Variants in CCDC81 observed in about 807,000 individuals in gnomAD.
CCDC81 encodes the protein coiled-coil domain-containing protein 81.
CCDC81 carries 79 observed loss-of-function variants against 83.7 expected under a neutral mutation model. The observed-to-expected ratio is 0.94, with a 90% CI of 0.79 to 1.14. The LOEUF (loss-of-function observed/expected upper bound fraction) is 1.14. Ranked by LOEUF, CCDC81 falls within the 50% of genes most tolerant of loss-of-function variation. The pLI is 0.00. For synonymous variants in CCDC81, 252 were observed against 278.1 expected (o/e 0.91, Z 0.93); for missense variants, 791 against 778.1 (o/e 1.02, Z -0.20).
At chr11:86,421,936 T>C (rs1049439641) in intron 14 of CCDC81, among the ~76,000 whole-genome samples, 4 of 149,362 alleles carry the variant, frequency 2.7e-5, no homozygotes, top group African/African-American at 9.9e-5. Context: ...AATCCACCCA[T>C]GGAGAAATTT....
At chr11:86,391,044 C>G (rs1373841982) in intron 3 of CCDC81, among the ~76,000 whole-genome samples, 1 of 152,048 alleles carries the variant, frequency 6.6e-6, no homozygotes, top group Non-Finnish European at 1.5e-5. Context: ...AGGAGGGAAG[C>G]CAGCAAAGGG....
chr11:86,399,995 G>A (rs1427081652), intron 6 of CCDC81, among the ~76,000 whole-genome samples: 3 of 151,790 alleles, frequency 2.0e-5, no homozygotes, highest in East Asian at 3.9e-4. Context: ...GCTGGGAGTA[G>A]TGGTGTGCAC....
Position 86,415,216 on chromosome 11 carries a change from C to T in CCDC81, c.1594C>T (p.Gln532Ter). ...QKREQNYMKH[Q>*]LEAAANHKRK... ...GCGAGAACAAAATTACATGAAACAC[C>T]AGCTGGAGGCAGCTGCTAACCACAA... Residue 532 changes from glutamine (Q) to a stop codon, truncating the protein, a stop_gained, in exon 13 of 15, where the codon CAG (glutamine) becomes TAG (stop). Coordinates refer to ENST00000445632, the MANE Select transcript of CCDC81 (RefSeq NM_001156474.2). LOFTEE classifies it high-confidence loss of function. The T allele has an allele frequency of 6.2e-7, 1 of 1,614,104 alleles. No individual in the cohort carries two copies. Among genetic ancestry groups the T allele is most frequent in the Non-Finnish European group, 8.5e-7 (1 of 1,180,024 alleles).
intron 4 of CCDC81, 120 bp from the exon 5 acceptor site, chr11:86,395,214 T>C: frequency 2.9e-6 from 2 of 698,780 alleles, no homozygotes; most frequent in Non-Finnish European, 4.9e-6. Flanking sequence ...TATAAGCGCT[T>C]AACATAAACA....
At position 86,379,759 on chromosome 11, in the gene CCDC81, T is replaced by TGGAGTCCA. The variant is rs1948151317; in HGVS notation, c.79+4529_79+4536dup. 3.9e-5 allele frequency among the ~76,000 whole-genome samples: 6 copies of TGGAGTCCA among 152,256 alleles called. No homozygotes were observed. The East Asian group carries it at 1.2e-3, about 29-fold the overall frequency. ...TAGGATGCCAAGGTGGGAGAATCGC[T>TGGAGTCCA]GGAGTCCAGGAGTCCAGGATCAGCA... On this transcript the variant is annotated intron_variant, in intron 1 of 14. Coordinates refer to ENST00000445632, the MANE Select transcript of CCDC81 (RefSeq NM_001156474.2).
intron 10 of CCDC81, among the ~76,000 whole-genome samples, chr11:86,410,098 C>T (rs1001165406): frequency 2.0e-5 from 3 of 152,172 alleles, no homozygotes; most frequent in Non-Finnish European, 4.4e-5. Context: ...TTTGTATTTG[C>T]ATTAATGTTT....
At chr11:86,397,822 A>C in intron 6 of CCDC81, 80 bp downstream of exon 6, 1 of 1,473,448 alleles carries the variant, frequency 6.8e-7, no homozygotes, top group Admixed American at 2.4e-5. Context: ...CAAGGTAAAT[A>C]AAGTTAAATT....
At chr11:86,407,828 T>A in intron 8 of CCDC81, 127 bp downstream of exon 8, 1 of 722,916 alleles carries the variant, frequency 1.4e-6, no homozygotes, top group Non-Finnish European at 2.3e-6. Flanking sequence ...GTACTCAGGC[T>A]CAAAACTAGA....
At chr11:86,414,983 C>A in intron 12 of CCDC81, 110 bp from the exon 13 acceptor site, 1 of 1,411,040 alleles carries the variant, frequency 7.1e-7, no homozygotes, top group Non-Finnish European at 9.8e-7. Flanking sequence ...AGTTTTTGTG[C>A]CCCGCATTCC....
chr11:86,407,829 C>CA (rs1004376221), intron 8 of CCDC81, 128 bp downstream of exon 8: 1 of 707,182 alleles, frequency 1.4e-6, no homozygotes, highest in African/African-American at 1.8e-5. Context: ...TACTCAGGCT[C>CA]AAAACTAGAC....
intron 6 of CCDC81, among the ~76,000 whole-genome samples, chr11:86,398,694 C>A (rs1255011602): frequency 6.6e-6 from 1 of 152,098 alleles, no homozygotes; most frequent in Non-Finnish European, 1.5e-5. Context: ...ATCAGCCTCC[C>A]TGGAAGTAGC....
intron 13 of CCDC81, among the ~76,000 whole-genome samples, chr11:86,418,511 CTG>C (rs1262800938): frequency 6.6e-6 from 1 of 152,096 alleles, no homozygotes; most frequent in Admixed American, 6.5e-5. Flanking sequence ...TATATATACA[CTG>C]TACAATGGAA....
intron 7 of CCDC81, among the ~76,000 whole-genome samples, chr11:86,402,063 AG>A (rs1220020231): frequency 7.5e-6 from 1 of 133,910 alleles, no homozygotes; most frequent in Non-Finnish European, 1.5e-5. Flanking sequence ...TGAACCCGGG[AG>A]GTGGAGGTTG....
rs61157417 is a variant in CCDC81, at chr11:86,377,968, C to CTTTTTTTTTTTTTTTTTTTT, written c.79+2729_79+2748dup. Among the ~76,000 whole-genome samples, 7 of 73,350 alleles carry CTTTTTTTTTTTTTTTTTTTT rather than the reference C, an allele frequency of 9.5e-5. 2 individuals are homozygous for CTTTTTTTTTTTTTTTTTTTT. The highest frequency in any genetic ancestry group is 2.1e-4 in the African/African-American group (4 of 19,198). 48.1% of individuals were successfully genotyped at this position (73,350 alleles called of 152,430 possible). ...AAGGTGTAAGGTCTGTGCCTAGGTT[C>CTTTTTTTTTTTTTTTTTTTT]TTTTTTTTTTTTTTTTTTTTTTGCA... On this transcript the variant is annotated intron_variant, in intron 1 of 14. Transcript: ENST00000445632.
intron 13 of CCDC81, among the ~76,000 whole-genome samples, chr11:86,417,000 T>G (rs1398773829): frequency 6.6e-6 from 1 of 152,168 alleles, no homozygotes; most frequent in Non-Finnish European, 1.5e-5. Flanking sequence ...TCCTAGCACT[T>G]TGGGAGACCG....
chr11:86,410,038 C>A (rs545858340), intron 10 of CCDC81, among the ~76,000 whole-genome samples: 69 of 152,308 alleles, frequency 4.5e-4, no homozygotes, highest in African/African-American at 1.6e-3. Flanking sequence ...TAGGGCCTCA[C>A]CCCAGACTCC....
chr11:86,378,604 CTCT>C (rs1948130946), intron 1 of CCDC81, among the ~76,000 whole-genome samples: 1 of 152,136 alleles, frequency 6.6e-6, no homozygotes, highest in Middle Eastern at 3.2e-3. Context: ...ATTCATTTAT[CTCT>C]TCTTGCAGTT....
At chr11:86,389,015 C>T (rs868626654) in intron 3 of CCDC81, among the ~76,000 whole-genome samples, 2 of 152,110 alleles carry the variant, frequency 1.3e-5, no homozygotes, top group Middle Eastern at 6.8e-3. Context: ...GTGGCACATG[C>T]AATGGTGGCA....
intron 3 of CCDC81, among the ~76,000 whole-genome samples, chr11:86,389,540 C>T (rs575677731): frequency 1.3e-5 from 2 of 152,150 alleles, no homozygotes; most frequent in East Asian, 1.9e-4. Context: ...CTTACCATGG[C>T]GGAGCAGGAG....
Sources: gnomAD v4.1 joint callset for allele counts (sites outside exome capture counted in the v4.1 genomes callset) on GRCh38, gnomAD v4.1.1 for gene constraint, MANE v1.5 for transcripts, NCBI Gene and HGNC (gene_info 2026-07-23, HGNC 2026-07-21) for gene names.